The following AGL variants were observed in gnomAD, a reference collection of about 807,000 sequenced individuals.
AGL encodes amylo-alpha-1,6-glucosidase and 4-alpha-glucanotransferase, also known as glycogen debranching enzyme.
A neutral mutation model predicts 199.3 loss-of-function variants in AGL; 128 were observed. The observed-to-expected ratio is 0.64, with a 90% CI of 0.56 to 0.74. The LOEUF is 0.74. AGL is among the 30% of genes least tolerant of loss of function. The pLI, the probability that AGL is intolerant of heterozygous loss-of-function variation, is 0.00. For synonymous variants in AGL, 584 were observed against 594.7 expected, an observed-to-expected ratio of 0.98 and a Z score of 0.26; for missense variants, 1,809 against 1,820.8, an observed-to-expected ratio of 0.99 and a Z score of 0.12.
At position 99,874,769 on chromosome 1, in the gene AGL, T is replaced by C; in HGVS notation, c.1041T>C (p.Thr347=). ...CTGAATACAGACGGTTTGGCTGTACTGTAGATATGAACATTGCACTAACGA... is the reference window on the plus strand; with the variant it reads ...CTGAATACAGACGGTTTGGCTGTACCGTAGATATGAACATTGCACTAACGA... The part of the protein sequence containing the change: ...QDPEYRRFGC[T]VDMNIALTTF... The change falls in exon 8 of 34, where the codon ACT becomes ACC. Residue 347 remains threonine (T), a synonymous_variant. Transcript: ENST00000361915. 2 of 1,607,370 alleles carry C rather than the reference T, an allele frequency of 1.2e-6. No individual in the cohort carries two copies. The highest frequency in any genetic ancestry group is 1.7e-6 in the Non-Finnish European group (2 of 1,176,186).
rs1182488370 is a variant in AGL, at chr1:99,888,079, G to A, written c.2783G>A (p.Trp928Ter). 2 of 1,613,174 alleles carry A rather than the reference G, an allele frequency of 1.2e-6. No individual in the cohort carries two copies. The highest frequency in any genetic ancestry group is 2.7e-5 in the African/African-American group (2 of 74,838). ...GGAGGGTGCTATGACATACCAAACT[G>A]GTCAGCCCTTAAATATGCAGGTCTT... ...DGGGCYDIPN[W>*]SALKYAGLQG... is the part of the protein sequence containing the mutation. Residue 928 changes from tryptophan to a stop codon, truncating the protein, a stop_gained, in exon 21 of 34, where the codon TGG becomes TAG. Transcript: ENST00000361915. LOFTEE classifies it high-confidence loss of function.
rs1557780136 is a variant in AGL, at chr1:99,900,778, C to G, written c.3505C>G (p.Pro1169Ala). 2 of 1,614,030 alleles carry G rather than the reference C, an allele frequency of 1.2e-6. No individual in the cohort carries two copies. Among genetic ancestry groups the G allele is most frequent in the South Asian group, 1.1e-5 (1 of 91,080 alleles). ...QCIQDYCKMVPNGLDILKCPV... is the reference protein window; with the variant it reads ...QCIQDYCKMVANGLDILKCPV... ...TATCCAGGATTACTGTAAAATGGTT[C>G]CAAATGGTCTAGACATTCTCAAGTG... The change falls in exon 26 of 34, where the codon CCA becomes GCA. Residue 1169 changes from proline to alanine, a missense_variant. Coordinates refer to ENST00000361915, the MANE Select transcript of AGL (RefSeq NM_000642.3).
At chr1:99,913,826 T>G in intron 30 of AGL, 88 bp downstream of exon 30, 1 of 1,302,184 alleles carries the variant, frequency 7.7e-7, no homozygotes, top group Non-Finnish European at 1.1e-6. Context: ...CAAATTCACT[T>G]CATTGCTAAA....
Position 99,905,820 on chromosome 1 carries a change from A to G in AGL, c.3700+3026A>G, listed in dbSNP as rs933031621. On this transcript the variant is annotated intron_variant, in intron 27 of 33. Transcript: ENST00000361915. ...TGTCTTGAATTCCTGACCTCAAGCAATCCTCTTGCCTCAGCTTCCTAAAGT... is the reference window on the plus strand; with the variant it reads ...TGTCTTGAATTCCTGACCTCAAGCAGTCCTCTTGCCTCAGCTTCCTAAAGT... Among the ~76,000 whole-genome samples, 8 of 152,158 alleles carry G rather than the reference A, an allele frequency of 5.3e-5. No homozygotes were observed. In the South Asian group the frequency reaches 6.2e-4, roughly 12 times the overall value.
rs1378194363 is a variant in AGL, at chr1:99,923,528, T to C, written c.*1877T>C. ...CCCACGTTGGTAAATTTTTAGGATA[T>C]TGTGTTGCACTAGAAAACTAAGTGG... On this transcript the variant is annotated 3_prime_UTR_variant, in exon 34 of 34. Coordinates refer to ENST00000361915, the MANE Select transcript of AGL (RefSeq NM_000642.3). 2 of 152,164 alleles carry C rather than the reference T, an allele frequency of 1.3e-5. No individual in the cohort carries two copies. The highest frequency in any genetic ancestry group is 4.8e-5 in the African/African-American group (2 of 41,446). 9.4% of individuals were successfully genotyped at this position (152,164 alleles called of 1,614,324 possible).
intron 27 of AGL, among the ~76,000 whole-genome samples, chr1:99,910,023 C>T (rs1216877664): frequency 6.6e-6 from 1 of 152,058 alleles, no homozygotes; most frequent in Admixed American, 6.5e-5. Flanking sequence ...TAAACTTTTA[C>T]AAAAAAGTTA....
At chr1:99,875,880 A>AT (rs1651484862) in intron 10 of AGL, among the ~76,000 whole-genome samples, 4 of 151,898 alleles carry the variant, frequency 2.6e-5, no homozygotes, top group Non-Finnish European at 4.4e-5. Context: ...TTATGTATTT[A>AT]TTTTTTTTCT....
intron 2 of AGL, among the ~76,000 whole-genome samples, chr1:99,854,491 G>A (rs1445925790): frequency 4.6e-5 from 7 of 152,082 alleles, no homozygotes; most frequent in African/African-American, 1.2e-4. Context: ...AGCCGGGTGC[G>A]GTGGCTCACG....
intron 25 of AGL, among the ~76,000 whole-genome samples, chr1:99,899,002 T>G (rs770155182): frequency 3.2e-4 from 49 of 152,236 alleles, no homozygotes; most frequent in Non-Finnish European, 5.6e-4. Context: ...ATCAGCACTT[T>G]GGGAGCCTGA....
chr1:99,890,546 AG>A (rs1215501097), intron 21 of AGL, among the ~76,000 whole-genome samples: 5 of 152,112 alleles, frequency 3.3e-5, no homozygotes, highest in Admixed American at 3.3e-4. Flanking sequence ...GTCTAAATGA[AG>A]TCAGTGATGC....
Position 99,864,529 on chromosome 1 carries a change from GA to G in AGL, c.609del (p.Lys203AsnfsTer2), listed in dbSNP as rs1571232404. ...YTWNDVGQLV[E>X]KLKKEWNVIC... Reference sequence around the variant, plus strand: ...CTGGAATGATGTTGGACAGCTAGTGGAAAAATTAAAAAAGGAATGGAATGTT... The same window carrying G: ...CTGGAATGATGTTGGACAGCTAGTGGAAAATTAAAAAAGGAATGGAATGTT... On this transcript the variant is annotated frameshift_variant, in exon 5 of 34. Transcript: ENST00000361915. LOFTEE classifies it high-confidence loss of function. 18 of 1,613,648 alleles carry G rather than the reference GA, an allele frequency of 1.1e-5. No homozygotes were observed. Among genetic ancestry groups the G allele is most frequent in the Non-Finnish European group, 1.5e-5 (18 of 1,179,880 alleles).
chr1:99,916,155 G>A (rs575397828), intron 31 of AGL, among the ~76,000 whole-genome samples: 1 of 152,154 alleles, frequency 6.6e-6, no homozygotes, highest in South Asian at 2.1e-4. Flanking sequence ...ACTTCTTTAA[G>A]GCAAGATACC....
At chr1:99,879,190 ACAAAT>A (rs978025123) in intron 12 of AGL, among the ~76,000 whole-genome samples, 2 of 152,232 alleles carry the variant, frequency 1.3e-5, no homozygotes, top group Non-Finnish European at 2.9e-5. Flanking sequence ...GTCTGGTCAG[ACAAAT>A]CTAATCTTTC....
intron 21 of AGL, among the ~76,000 whole-genome samples, chr1:99,888,778 G>A (rs1168337482): frequency 6.6e-6 from 1 of 151,976 alleles, no homozygotes; most frequent in Non-Finnish European, 1.5e-5. Flanking sequence ...TTTCACTTAT[G>A]CCTTTTGTTC....
chr1:99,900,160 C>T (rs1343818894), intron 25 of AGL, among the ~76,000 whole-genome samples: 1 of 151,916 alleles, frequency 6.6e-6, no homozygotes, highest in Non-Finnish European at 1.5e-5. Flanking sequence ...AAACTCCTGA[C>T]CTCAGGTGTT....
At chr1:99,851,616 T>G (rs981797742) in intron 2 of AGL, among the ~76,000 whole-genome samples, 1 of 152,198 alleles carries the variant, frequency 6.6e-6, no homozygotes, top group African/African-American at 2.4e-5. Flanking sequence ...GTGGAGTAGG[T>G]AAAAGCTGAA....
chr1:99,909,990 G>A (rs1210429560), intron 27 of AGL, among the ~76,000 whole-genome samples: 6 of 152,056 alleles, frequency 3.9e-5, no homozygotes, highest in African/African-American at 1.4e-4. Context: ...ACAGATATTA[G>A]ATATACCAGT....
intron 33 of AGL, among the ~76,000 whole-genome samples, chr1:99,918,930 A>G (rs1052045998): frequency 3.3e-5 from 5 of 152,138 alleles, no homozygotes; most frequent in Non-Finnish European, 5.9e-5. Context: ...CTGACGCTGT[A>G]TGAGTGCCAC....
At chr1:99,856,321 TTCCTTCCTCCCTCCCTCCC>T (rs1649428620) in intron 2 of AGL, among the ~76,000 whole-genome samples, 1 of 32,272 alleles carries the variant, frequency 3.1e-5, no homozygotes, top group Admixed American at 2.9e-4. Flanking sequence ...CCTCCCTCCC[TTCCTTCCTCCCTCCCTCCC>T]TCCCTCCCTC....
Sources: gnomAD v4.1 joint callset for allele counts (sites outside exome capture counted in the v4.1 genomes callset) on GRCh38, gnomAD v4.1.1 for gene constraint, MANE v1.5 for transcripts, NCBI Gene and HGNC (gene_info 2026-07-23, HGNC 2026-07-21) for gene names.